The following TBX3 variants were observed in gnomAD, a reference collection of about 807,000 sequenced individuals.
The protein encoded by TBX3 is T-box transcription factor 3.
In TBX3, 11 loss-of-function variants were observed where a neutral mutation model predicts 47.8. The observed-to-expected ratio is 0.23, with a 90% CI of 0.14 to 0.38. The LOEUF is 0.38. Among genes scored for constraint, TBX3 ranks in the 10% least tolerant of loss-of-function variants. The pLI is 1.00. For missense variants in TBX3, 927 were observed against 1,022.8 expected (o/e 0.91, Z 1.28); for synonymous variants, 500 against 449.3 (o/e 1.11, Z -1.43).
intron 5 of TBX3, among the ~76,000 whole-genome samples, chr12:114,675,359 T>C (rs1381561946): frequency 1.3e-5 from 2 of 152,192 alleles, no homozygotes; most frequent in Non-Finnish European, 2.9e-5. Context: ...TCTGAATTGA[T>C]AATGGCAGAA....
At chr12:114,675,069 C>T (rs1260832671) in intron 5 of TBX3, among the ~76,000 whole-genome samples, 1 of 152,160 alleles carries the variant, frequency 6.6e-6, no homozygotes, top group Non-Finnish European at 1.5e-5. Flanking sequence ...AAGTATTTAC[C>T]CAGAGTTTAA....
rs984149241 is a variant in TBX3, at chr12:114,671,929, T to A, written c.2084A>T (p.Glu695Val). The A allele has an allele frequency of 1.3e-6, 2 of 1,590,312 alleles. No homozygotes were observed. Among genetic ancestry groups the A allele is most frequent in the Non-Finnish European group, 1.7e-6 (2 of 1,168,556 alleles). Residue 695 changes from glutamate (E) to valine (V), a missense_variant, in exon 7 of 7, where the codon GAG becomes GTG. This residue lies in a region of TBX3 where 623 missense variants were observed against 569.0 expected (regional missense o/e 1.09). Transcript: ENST00000349155. ...GCTCTGCAGTTCGCTGGTGGCCGCC[T>A]CTTTCTCCGCGCAGAGTTTGGGCGA... ...SLSPKLCAEK[E>V]AATSELQSIQ...
intron 4 of TBX3, among the ~76,000 whole-genome samples, chr12:114,677,119 C>T (rs1436090781): frequency 6.6e-6 from 1 of 152,164 alleles, no homozygotes; most frequent in Non-Finnish European, 1.5e-5. Flanking sequence ...CATATACTCT[C>T]CAGCTGTCTA....
chr12:114,680,408 T>A (rs1868878897), intron 2 of TBX3: 1 of 288,206 alleles, frequency 3.5e-6, no homozygotes, highest in Admixed American at 5.0e-5. Flanking sequence ...CTAAGCCCAA[T>A]TCTTTTTTTA....
At chr12:114,672,522 C>A (rs1302218096) in intron 6 of TBX3, among the ~76,000 whole-genome samples, 1 of 151,808 alleles carries the variant, frequency 6.6e-6, no homozygotes, top group Non-Finnish European at 1.5e-5. Flanking sequence ...AGCTGTGTCA[C>A]CCTAGGCCAA....
Position 114,670,799 on chromosome 12 carries a change from A to G in TBX3, c.*1042T>C. ...TGGAAATAAACCCAACTAAAGGAAA[A>G]CAAGAACACAAAACCTGACAGTTGC... is the stretch of plus-strand genomic sequence containing the variant. On this transcript the variant is annotated 3_prime_UTR_variant, in exon 7 of 7. Coordinates refer to ENST00000349155, the MANE Select transcript of TBX3 (RefSeq NM_005996.4). 1 of 214,678 alleles carries G rather than the reference A, an allele frequency of 4.7e-6. No homozygotes were observed. The highest frequency in any genetic ancestry group is 5.8e-5 in the Admixed American group (1 of 17,108). The allele number at this position is 214,678 out of a possible 1,614,324, so 13.3% of individuals were successfully genotyped here. A position where few individuals can be genotyped will look rare whatever the true frequency, so the allele number is the denominator to read the frequency against.
Position 114,674,477 on chromosome 12 carries a change from C to G in TBX3, c.1398G>C (p.Thr466=). The G allele has an allele frequency of 6.5e-7, 1 of 1,533,900 alleles. No homozygotes were observed. Among genetic ancestry groups the G allele is most frequent in the Non-Finnish European group, 8.8e-7 (1 of 1,141,304 alleles). The change falls in exon 6 of 7, where the codon ACG becomes ACC. Residue 466 remains threonine, a synonymous_variant. Coordinates refer to ENST00000349155, the MANE Select transcript of TBX3 (RefSeq NM_005996.4). ...KEAFAPLTVQ[T]DAAAAHLAQG... Reference sequence around the variant, plus strand: ...GGGCCAGGTGCGCGGCGGCCGCGTCCGTCTGCACCGTGAGCGGCGCGAAGG... The same window carrying G: ...GGGCCAGGTGCGCGGCGGCCGCGTCGGTCTGCACCGTGAGCGGCGCGAAGG...
At position 114,683,380 on chromosome 12, in the gene TBX3, A is replaced by G; in HGVS notation, c.-180T>C. 1 of 830,854 alleles carries G rather than the reference A, an allele frequency of 1.2e-6. No individual in the cohort carries two copies. The highest frequency in any genetic ancestry group is 1.8e-6 in the Non-Finnish European group (1 of 551,256). The allele number at this position is 830,854 out of a possible 1,614,324, so 51.5% of individuals were successfully genotyped here. A position where few individuals can be genotyped will look rare whatever the true frequency, so the allele number is the denominator to read the frequency against. The stretch of plus-strand genomic sequence containing the variant: ...ACAACTAATGCACTTCAAAGGGAGG[A>G]GGGGAAGTGTCTTTTGGAGAATGGG... On this transcript the variant is annotated 5_prime_UTR_variant, in exon 1 of 7. Transcript: ENST00000349155. The surrounding 1 kb of genome is among the most constrained non-coding windows in gnomAD (Gnocchi z 7.7).
rs1383226635 is a variant in TBX3, at chr12:114,672,118, C to T, written c.1895G>A (p.Gly632Asp). The T allele has an allele frequency of 1.3e-6, 2 of 1,568,018 alleles. No individual in the cohort carries two copies. Among genetic ancestry groups the T allele is most frequent in the Non-Finnish European group, 1.7e-6 (2 of 1,156,732 alleles). ...PYSIPVPVPD[G>D]SSLLTTALPS... ...CAGGGCGGTGGTGAGCAGACTGCTG[C>T]CGTCCGGGACCGGCACCGGGATGGA... is the stretch of plus-strand genomic sequence containing the variant. The change falls in exon 7 of 7, where the codon GGC (glycine) becomes GAC (aspartate). Residue 632 changes from glycine to aspartate, a missense_variant. Gly to Asp is a moderately conservative substitution (Grantham distance 94). Transcript: ENST00000349155.
In TBX3 at chr12:114,674,258, C is replaced by T. The variant is rs952559735; in HGVS notation, c.1617G>A (p.Thr539=). 15 of 1,577,978 alleles carry T rather than the reference C, an allele frequency of 9.5e-6. No individual in the cohort carries two copies. Among genetic ancestry groups the T allele is most frequent in the African/African-American group, 4.0e-5 (3 of 74,448 alleles). Reference sequence around the variant, plus strand: ...GCGCCGCAGCGGCAGAGGCCATGGCCGTGGAATCCAGGCCCGAGACACCGG... The same window carrying T: ...GCGCCGCAGCGGCAGAGGCCATGGCTGTGGAATCCAGGCCCGAGACACCGG... ...ASTGVSGLDS[T]AMASAAAAQG... Residue 539 remains threonine (T), a synonymous_variant, in exon 6 of 7, where the codon ACG becomes ACA. Coordinates refer to ENST00000349155, the MANE Select transcript of TBX3 (RefSeq NM_005996.4).
At chr12:114,676,594 T>A in intron 4 of TBX3, 124 bp from the exon 5 acceptor site, 1 of 1,304,540 alleles carries the variant, frequency 7.7e-7, no homozygotes, top group Non-Finnish European at 1.1e-6. Flanking sequence ...GGGACAACGC[T>A]AATTCACTGA....
chr12:114,678,067 A>AT (rs1443192572), intron 3 of TBX3, among the ~76,000 whole-genome samples: 1 of 149,024 alleles, frequency 6.7e-6, no homozygotes, highest in Non-Finnish European at 1.5e-5. Flanking sequence ...CTCCTTTTCC[A>AT]TGAATCCAAT....
At chr12:114,679,302 T>C (rs1023024020) in intron 3 of TBX3, among the ~76,000 whole-genome samples, 2 of 152,138 alleles carry the variant, frequency 1.3e-5, no homozygotes, top group African/African-American at 4.8e-5. Flanking sequence ...GTTTTTTTGC[T>C]CAGCATTGTT....
chr12:114,682,843 C>A lies in TBX3; in HGVS notation c.358G>T (p.Gly120Cys), dbSNP rs985381779. Residue 120 changes from glycine (G) to cysteine (C), a missense_variant, in exon 1 of 7, where the codon GGC (glycine) becomes TGC (cysteine). Coordinates refer to ENST00000349155, the MANE Select transcript of TBX3 (RefSeq NM_005996.4). The part of the protein sequence containing the change: ...KELWDQFHKR[G>C]TEMVITKSGR... ...GACTTGGTAATGACCATCTCGGTGC[C>A]CCGCTTGTGAAACTGATCCCAAAGT... 1 of 1,614,158 alleles carries A rather than the reference C, an allele frequency of 6.2e-7. No individual in the cohort carries two copies. The highest frequency in any genetic ancestry group is 2.2e-5 in the East Asian group (1 of 44,880).
chr12:114,674,969 C>T (rs1868644765), intron 5 of TBX3, 134 bp from the exon 6 acceptor site: 2 of 1,144,570 alleles, frequency 1.7e-6, no homozygotes, highest in African/African-American at 1.5e-5. Context: ...GCCCCTTAGC[C>T]TCTCTGCACC....
Position 114,674,777 on chromosome 12 carries a change from G to T in TBX3, c.1098C>A (p.Gly366=), listed in dbSNP as rs754002367. ...TCTTGGCCGCGTCGCAGGCCTCGGG[G>T]CCATGCTCCTCTTTGCTCTCGGCCT... ...DAEAESKEEH[G]PEACDAAKIS... The change falls in exon 6 of 7, where the codon GGC becomes GGA. Residue 366 remains glycine, a synonymous_variant. Transcript: ENST00000349155. The T allele has an allele frequency of 1.9e-6, 3 of 1,586,732 alleles. No individual in the cohort carries two copies. The highest frequency in any genetic ancestry group is 2.6e-6 in the Non-Finnish European group (3 of 1,171,718).
At chr12:114,676,511 A>T in intron 4 of TBX3, 41 bp from the exon 5 acceptor site, 1 of 1,612,000 alleles carries the variant, frequency 6.2e-7, no homozygotes, top group Non-Finnish European at 8.5e-7. Flanking sequence ...AATGTAACAT[A>T]CATTTCCCCT....
At chr12:114,680,582 A>AT (rs1358038018) in intron 2 of TBX3, 4 of 513,394 alleles carry the variant, frequency 7.8e-6, no homozygotes, top group Non-Finnish European at 7.0e-6. Context: ...CTTGAAATTG[A>AT]TTTTAGCTCT....
rs1869073529 is a variant in TBX3, at chr12:114,683,972, A to G, written c.-772T>C. 8.7e-6 allele frequency: 2 copies of G among 229,476 alleles called. No individual in the cohort carries two copies. Among genetic ancestry groups the G allele is most frequent in the East Asian group, 1.2e-4 (2 of 16,164 alleles). 14.2% of individuals were successfully genotyped at this position (229,476 alleles called of 1,614,324 possible). On this transcript the variant is annotated 5_prime_UTR_variant, in exon 1 of 7. Coordinates refer to ENST00000349155, the MANE Select transcript of TBX3 (RefSeq NM_005996.4). This position sits in a 1 kb window ranked among gnomAD's most constrained non-coding sequence, Gnocchi z 7.7. The stretch of plus-strand genomic sequence containing the variant: ...CGTGCCTCTCTCTCTTCCTTGTCCT[A>G]AAACGTGAGCGAATTCGCTTCCTAA...
Sources: allele counts gnomAD v4.1 joint callset (sites outside exome capture counted in the v4.1 genomes callset), GRCh38; gene constraint gnomAD v4.1.1; regional missense constraint gnomAD v4.1.1; non-coding constraint Gnocchi (gnomAD v3.1); transcripts MANE v1.5; gene names NCBI Gene and HGNC (gene_info 2026-07-23, HGNC 2026-07-21).